The following ACSBG2 variants were observed in gnomAD, a reference collection of about 807,000 sequenced individuals.
ACSBG2 encodes the protein long-chain-fatty-acid--CoA ligase ACSBG2.
Under a neutral mutation model 74.7 loss-of-function variants are expected in ACSBG2, and 62 were observed. That is an observed-to-expected ratio of 0.83 (90% CI 0.68 to 1.03). ACSBG2 has a LOEUF of 1.03. Ranked by LOEUF, ACSBG2 falls within the 50% of genes least tolerant of loss-of-function variation. The probability of loss-of-function intolerance (pLI) is 0.00; values close to 1 mark genes in which losing one functional copy is unlikely to be tolerated. For missense variants in ACSBG2, 730 were observed against 817.6 expected, an observed-to-expected ratio of 0.89 and a Z score of 1.31; for synonymous variants, 309 against 294.1, an observed-to-expected ratio of 1.05 and a Z score of -0.52.
chr19:6,157,113 AT>A (rs1463488706), intron 5 of ACSBG2, among the ~76,000 whole-genome samples: 1 of 152,066 alleles, frequency 6.6e-6, no homozygotes, highest in Non-Finnish European at 1.5e-5. Flanking sequence ...CGCCTGGCTA[AT>A]TTTTTTGTAT....
chr19:6,177,357 T>A lies in ACSBG2; in HGVS notation c.867T>A (p.Ile289=), dbSNP rs745542819. 4.3e-6 allele frequency: 7 copies of A among 1,610,408 alleles called. No individual in the cohort carries two copies. The South Asian group carries it at 7.7e-5, about 18-fold the overall frequency. Residue 289 remains isoleucine, a synonymous_variant, in exon 8 of 15, where the codon ATT becomes ATA. Transcript: ENST00000588485. ...QMMDIWVPIK[I]GALTYFAQAD... is the part of the protein sequence containing the mutation. ...TGGACATCTGGGTACCCATAAAGAT[T>A]GGGGCGCTCACATACTTTGCTCAAG...
intron 6 of ACSBG2, among the ~76,000 whole-genome samples, chr19:6,163,204 CTT>C: frequency 9.8e-6 from 1 of 102,346 alleles, no homozygotes; most frequent in Admixed American, 1.2e-4. Flanking sequence ...AATCCCAGCA[CTT>C]TGGGAGGCTG....
rs375567599 is a variant in ACSBG2, at chr19:6,187,591, G to A, written c.1681-8G>A. ...AGCATGGGTGGTGACAGAGGTGTCT[G>A]GGGGCAGTGTGAGATGAATCAGATG... On this transcript the variant is annotated splice_polypyrimidine_tract_variant and splice_region_variant and intron_variant, in intron 12 of 14. Transcript: ENST00000588485. 1.2e-6 allele frequency: 2 copies of A among 1,613,990 alleles called. No homozygotes were observed. Among genetic ancestry groups the A allele is most frequent in the Non-Finnish European group, 8.5e-7 (1 of 1,179,972 alleles).
chr19:6,138,494 GGGGA>G (rs1444976071), intron 1 of ACSBG2, among the ~76,000 whole-genome samples: 1 of 144,126 alleles, frequency 6.9e-6, no homozygotes, highest in Non-Finnish European at 1.5e-5. Context: ...AAGGGGGAAG[GGGGA>G]GGGAGGGAGG....
chr19:6,189,398 T>C (rs933926751), intron 13 of ACSBG2, among the ~76,000 whole-genome samples: 5 of 152,222 alleles, frequency 3.3e-5, no homozygotes, highest in Non-Finnish European at 7.3e-5. Context: ...ATTTGCGAGT[T>C]TGCTGTCAGC....
At chr19:6,169,208 T>A (rs1017771361) in intron 7 of ACSBG2, among the ~76,000 whole-genome samples, 1 of 152,262 alleles carries the variant, frequency 6.6e-6, no homozygotes, top group Non-Finnish European at 1.5e-5. Flanking sequence ...TTTGGTTTTG[T>A]TGTATTTGTT....
Position 6,185,594 on chromosome 19 carries a change from C to G in ACSBG2, c.1481C>G (p.Ser494Cys), listed in dbSNP as rs1213147534. ...ATCGATGATGAAGGCTGGCTACACT[C>G]TGGGGATCTGGGCCAGCTGGACGGT... Reference protein sequence around the residue: ...EAIDDEGWLHSGDLGQLDGLG... With the variant: ...EAIDDEGWLHCGDLGQLDGLG... The change falls in exon 11 of 15, where the codon TCT becomes TGT. Residue 494 changes from serine (S) to cysteine (C), a missense_variant. Transcript: ENST00000588485. The G allele has an allele frequency of 5.0e-6, 8 of 1,614,232 alleles. No homozygotes were observed. Among genetic ancestry groups the G allele is most frequent in the Admixed American group, 1.7e-5 (1 of 60,030 alleles).
At chr19:6,141,719 C>A (rs1251890807) in intron 2 of ACSBG2, 109 bp downstream of exon 2, 3 of 743,364 alleles carry the variant, frequency 4.0e-6, no homozygotes, top group East Asian at 2.7e-5. Flanking sequence ...CTTGCCTGAC[C>A]CTGCTGACCC....
At chr19:6,136,964 G>T (rs545128377) in intron 1 of ACSBG2, among the ~76,000 whole-genome samples, 1 of 152,132 alleles carries the variant, frequency 6.6e-6, no homozygotes, top group African/African-American at 2.4e-5. Flanking sequence ...AGGATTTGTA[G>T]CCCTTTCCAG....
At chr19:6,156,688 T>A in intron 5 of ACSBG2, 137 bp downstream of exon 5, 1 of 869,310 alleles carries the variant, frequency 1.2e-6, no homozygotes, top group Admixed American at 3.7e-5. Flanking sequence ...CTCCATGACC[T>A]CATTAGTATA....
chr19:6,140,058 C>A (rs1039671114), intron 1 of ACSBG2, among the ~76,000 whole-genome samples: 5 of 151,952 alleles, frequency 3.3e-5, no homozygotes, highest in African/African-American at 1.2e-4. Flanking sequence ...CCAGTCTCTA[C>A]TAAAAATACA....
rs1236337859 is a variant in ACSBG2 at position 6,163,428 on chromosome 19, G to A, written c.588+2133G>A. ...TAGTGCCACTGCACTCAAGCCTGGC[G>A]AAAGAGCGAGACTCCATCTAAAAAA... is the stretch of plus-strand genomic sequence containing the variant. On this transcript the variant is annotated intron_variant, in intron 6 of 14. Coordinates refer to ENST00000588485, the MANE Select transcript of ACSBG2 (RefSeq NM_030924.5). Among the ~76,000 whole-genome samples, 9 of 43,760 alleles carry A rather than the reference G, an allele frequency of 2.1e-4. 1 individual carries two copies. In the East Asian group the frequency reaches 2.9e-3, roughly 14 times the overall value. The allele number at this position is 43,760 out of a possible 152,430, so 28.7% of individuals were successfully genotyped here. A position where few individuals can be genotyped will look rare whatever the true frequency, so the allele number is the denominator to read the frequency against.
At chr19:6,176,493 AC>A in intron 7 of ACSBG2, 1 of 1,018,018 alleles carries the variant, frequency 9.8e-7, no homozygotes, top group Non-Finnish European at 1.4e-6. Context: ...TTATGAAAAA[AC>A]AACACACACA....
intron 4 of ACSBG2, among the ~76,000 whole-genome samples, chr19:6,155,792 A>C (rs943379114): frequency 7.9e-6 from 1 of 126,894 alleles, no homozygotes; most frequent in African/African-American, 3.7e-5. Context: ...CCTGTCTCAA[A>C]AAAAAAAAAA....
chr19:6,139,613 T>C (rs990914676), intron 1 of ACSBG2, among the ~76,000 whole-genome samples: 1 of 152,178 alleles, frequency 6.6e-6, no homozygotes, highest in African/African-American at 2.4e-5. Context: ...TTGATTCTTG[T>C]GTCAAGCACG....
intron 2 of ACSBG2, among the ~76,000 whole-genome samples, chr19:6,141,935 T>G (rs2088857105): frequency 6.6e-6 from 1 of 152,084 alleles, no homozygotes; most frequent in African/African-American, 2.4e-5. Context: ...TTCGCTATGT[T>G]CCCCAGGCTG....
In ACSBG2 at chr19:6,174,746, G is replaced by A. The variant is rs1007310525; in HGVS notation, c.739-2483G>A. Among the ~76,000 whole-genome samples, 8 of 152,146 alleles carry A rather than the reference G, an allele frequency of 5.3e-5. No individual in the cohort carries two copies. Among genetic ancestry groups the A allele is most frequent in the African/African-American group, 1.7e-4 (7 of 41,424 alleles). On this transcript the variant is annotated intron_variant, in intron 7 of 14. Transcript: ENST00000588485. The surrounding 1 kb of genome is among the most constrained non-coding windows in gnomAD (Gnocchi z 4.2). ...GACGATCCCTTGAGCCCAGGAGTTC[G>A]AGGCTGCAGTGAGCTATGATGCTGC...
chr19:6,156,325 A>G lies in ACSBG2; in HGVS notation c.387-106A>G, dbSNP rs994383789. 6.1e-6 allele frequency: 8 copies of G among 1,318,660 alleles called. No homozygotes were observed. The African/African-American group carries it at 9.2e-5, about 15-fold the overall frequency. The allele number at this position is 1,318,660 out of a possible 1,614,324, so 81.7% of individuals were successfully genotyped here. ...GAAGGGAAGCTGGTGCTGTGGCTGC[A>G]AACTTAAGAACTTGCCTGCAAACCT... On this transcript the variant is annotated intron_variant, in intron 4 of 14. Coordinates refer to ENST00000588485, the MANE Select transcript of ACSBG2 (RefSeq NM_030924.5).
intron 3 of ACSBG2, among the ~76,000 whole-genome samples, chr19:6,149,317 C>G (rs1333332099): frequency 6.6e-6 from 1 of 152,036 alleles, no homozygotes; most frequent in Admixed American, 6.6e-5. Flanking sequence ...CAAATGGTTC[C>G]TTTTCCCCCA....
Sources: allele counts gnomAD v4.1 joint callset (sites outside exome capture counted in the v4.1 genomes callset), GRCh38; gene constraint gnomAD v4.1.1; non-coding constraint Gnocchi (gnomAD v3.1); transcripts MANE v1.5; gene names NCBI Gene and HGNC (gene_info 2026-07-23, HGNC 2026-07-21).